The following MRPS27 variants were observed in gnomAD, a reference collection of about 807,000 sequenced individuals.
MRPS27 encodes small ribosomal subunit protein mS27.
MRPS27 carries 43 observed loss-of-function variants against 48.9 expected under a neutral mutation model. The ratio of observed to expected loss-of-function variants is 0.88; its 90% CI spans 0.69 to 1.13. MRPS27 has a LOEUF of 1.13. Among genes scored for constraint, MRPS27 ranks in the 50% most tolerant of loss-of-function variants. The pLI, the probability that MRPS27 is intolerant of heterozygous loss-of-function variation, is 0.00. For missense variants in MRPS27, 467 were observed against 476.3 expected (o/e 0.98, Z 0.18); for synonymous variants, 188 against 171.9 (o/e 1.09, Z -0.73).
intron 3 of MRPS27, 84 bp from the exon 4 acceptor site, chr5:72,295,673 A>G (rs1580108082): frequency 1.0e-6 from 1 of 982,568 alleles, no homozygotes; most frequent in East Asian, 2.4e-5. Context: ...CATTGACCTT[A>G]GAAAACACAG....
intron 4 of MRPS27, among the ~76,000 whole-genome samples, chr5:72,277,259 T>C (rs1425205187): frequency 6.6e-6 from 1 of 152,122 alleles, no homozygotes; most frequent in Non-Finnish European, 1.5e-5. Context: ...TTTTACACTG[T>C]TGATGGGAAT....
At chr5:72,278,357 G>A (rs1426390060) in intron 4 of MRPS27, among the ~76,000 whole-genome samples, 4 of 150,924 alleles carry the variant, frequency 2.7e-5, no homozygotes, top group African/African-American at 9.8e-5. Flanking sequence ...GCAGGAGAAT[G>A]GTGTGAACCC....
intron 7 of MRPS27, among the ~76,000 whole-genome samples, chr5:72,229,710 T>C (rs929494642): frequency 6.6e-6 from 1 of 152,120 alleles, no homozygotes; most frequent in East Asian, 1.9e-4. Flanking sequence ...TGACAGTGAC[T>C]GGGATGGTTA....
intron 3 of MRPS27, among the ~76,000 whole-genome samples, 170 bp from the exon 4 acceptor site, chr5:72,295,759 C>G (rs564063637): frequency 6.6e-5 from 10 of 152,268 alleles, no homozygotes; most frequent in Non-Finnish European, 8.8e-5. Context: ...CCTTGAAACC[C>G]CTTTATGCTA....
rs949005467 is a variant in MRPS27 at position 72,220,038 on chromosome 5, A to C, written c.*871T>G. 1 of 152,708 alleles carries C rather than the reference A, an allele frequency of 6.5e-6. No homozygotes were observed. Among genetic ancestry groups the C allele is most frequent in the Non-Finnish European group, 1.5e-5 (1 of 68,084 alleles). The allele number at this position is 152,708 out of a possible 1,614,324, so 9.5% of individuals were successfully genotyped here. A position where few individuals can be genotyped will look rare whatever the true frequency, so the allele number is the denominator to read the frequency against. The stretch of plus-strand genomic sequence containing the variant: ...TGGCCTTGAGTTCACTCCTGTCCTG[A>C]ATTTCTCCCAGTGCAGGTCCAGAAG... On this transcript the variant is annotated 3_prime_UTR_variant, in exon 11 of 11. Transcript: ENST00000261413.
At chr5:72,265,353 G>A (rs1191108467) in intron 4 of MRPS27, among the ~76,000 whole-genome samples, 1 of 152,190 alleles carries the variant, frequency 6.6e-6, no homozygotes, top group African/African-American at 2.4e-5. Context: ...GGGCACTTAA[G>A]ATTTGGCAGA....
intron 2 of MRPS27, among the ~76,000 whole-genome samples, chr5:72,306,282 T>C (rs996959175): frequency 2.0e-5 from 3 of 152,134 alleles, no homozygotes. Context: ...TCAAATGAAA[T>C]AACAAATCTA....
At chr5:72,253,030 C>T (rs771091459) in intron 4 of MRPS27, among the ~76,000 whole-genome samples, 8 of 152,160 alleles carry the variant, frequency 5.3e-5, no homozygotes, top group Non-Finnish European at 7.3e-5. Context: ...GAAGACTTCC[C>T]GTCAATCCTC....
chr5:72,266,848 A>G (rs777957098), intron 4 of MRPS27, among the ~76,000 whole-genome samples: 8 of 151,952 alleles, frequency 5.3e-5, no homozygotes, highest in Non-Finnish European at 8.8e-5. Flanking sequence ...TGACAGAGCG[A>G]GATTTCGTCT....
At chr5:72,262,817 C>T (rs532846020) in intron 4 of MRPS27, among the ~76,000 whole-genome samples, 8 of 152,070 alleles carry the variant, frequency 5.3e-5, no homozygotes, top group African/African-American at 1.4e-4. Flanking sequence ...GTCCCTGAGG[C>T]TAGATTGCAG....
intron 4 of MRPS27, among the ~76,000 whole-genome samples, chr5:72,240,402 GAAAC>G (rs1225673494): frequency 6.6e-6 from 1 of 151,934 alleles, no homozygotes; most frequent in Non-Finnish European, 1.5e-5. Flanking sequence ...CCTTTAAAAA[GAAAC>G]AAAACGAAAT....
At chr5:72,315,362 G>A (rs1750538362) in intron 1 of MRPS27, among the ~76,000 whole-genome samples, 1 of 151,924 alleles carries the variant, frequency 6.6e-6, no homozygotes, top group African/African-American at 2.4e-5. Flanking sequence ...TTCAAGACCA[G>A]CCTGGGAAAC....
intron 7 of MRPS27, among the ~76,000 whole-genome samples, chr5:72,231,627 A>G (rs989344988): frequency 1.3e-5 from 2 of 152,192 alleles, no homozygotes; most frequent in African/African-American, 2.4e-5. Flanking sequence ...GGGGTATATC[A>G]TAAGACTATG....
chr5:72,289,665 C>T (rs377657755), intron 4 of MRPS27, among the ~76,000 whole-genome samples: 7 of 152,124 alleles, frequency 4.6e-5, no homozygotes, highest in South Asian at 4.1e-4. Context: ...TCAAGCAATC[C>T]GTCTGCCCCA....
At chr5:72,221,243 T>G in intron 10 of MRPS27, 95 bp from the exon 11 acceptor site, 1 of 1,467,476 alleles carries the variant, frequency 6.8e-7, no homozygotes, top group Non-Finnish European at 9.2e-7. Flanking sequence ...TGACTTTAGA[T>G]TTGAACAAAA....
At chr5:72,256,335 A>G (rs1748805745) in intron 4 of MRPS27, among the ~76,000 whole-genome samples, 1 of 152,136 alleles carries the variant, frequency 6.6e-6, no homozygotes, top group Admixed American at 6.5e-5. Flanking sequence ...AATTTTAAAT[A>G]CTTATATGTA....
chr5:72,260,392 AT>A (rs1748933402), intron 4 of MRPS27, among the ~76,000 whole-genome samples: 2 of 152,202 alleles, frequency 1.3e-5, no homozygotes, highest in Middle Eastern at 6.8e-3. Context: ...CCTAGGTTAT[AT>A]TTTCTGTCTT....
At chr5:72,317,961 GGAA>G (rs1200303381) in intron 1 of MRPS27, among the ~76,000 whole-genome samples, 2 of 152,106 alleles carry the variant, frequency 1.3e-5, no homozygotes, top group African/African-American at 4.8e-5. Context: ...TGGTCACATT[GGAA>G]GAAGAACAAT....
chr5:72,269,282 C>T (rs1429017766), intron 4 of MRPS27, among the ~76,000 whole-genome samples: 3 of 152,190 alleles, frequency 2.0e-5, no homozygotes, highest in African/African-American at 7.2e-5. Context: ...CTTGCTTGCA[C>T]AAAGATGCCC....
Sources: allele counts gnomAD v4.1 joint callset (sites outside exome capture counted in the v4.1 genomes callset), GRCh38; gene constraint gnomAD v4.1.1; transcripts MANE v1.5; gene names NCBI Gene and HGNC (gene_info 2026-07-23, HGNC 2026-07-21).